Variants in ZNF718 observed in about 807,000 individuals in gnomAD.
ZNF718 encodes zinc finger protein 718.
Under a neutral mutation model 2.6 loss-of-function variants are expected in ZNF718, and 3 were observed. The ratio of observed to expected loss-of-function variants is 1.16; its 90% CI spans 0.53 to 3.01. ZNF718 has a LOEUF of 3.01. Among genes scored for constraint, ZNF718 ranks in the 30% most tolerant of loss-of-function variants. ZNF718 has a pLI of 0.03. For synonymous variants in ZNF718, 135 were observed against 77.9 expected, an observed-to-expected ratio of 1.73 and a Z score of -3.86; for missense variants, 468 against 230.0, an observed-to-expected ratio of 2.03 and a Z score of -6.69.
At chr4:175,032 A>G (rs782614920) in intron 3 of ZNF718, among the ~76,000 whole-genome samples, 4 of 152,132 alleles carry the variant, frequency 2.6e-5, no homozygotes, top group Admixed American at 2.0e-4. Context: ...CAGCCCCTCA[A>G]TTACATCTAT....
intron 1 of ZNF718, among the ~76,000 whole-genome samples, chr4:126,929 C>T (rs1176406218): frequency 2.0e-5 from 3 of 151,784 alleles, no homozygotes; most frequent in Admixed American, 2.0e-4. Context: ...CAGGTTCAAG[C>T]GATTCACCTG....
chr4:193,126 T>A (rs1717725150), intron 3 of ZNF718, among the ~76,000 whole-genome samples: 2 of 152,208 alleles, frequency 1.3e-5, no homozygotes, highest in South Asian at 4.1e-4. Flanking sequence ...GTACTGGGGC[T>A]TGGTTTCCCA....
intron 3 of ZNF718, among the ~76,000 whole-genome samples, chr4:155,686 G>A (rs948495374): frequency 2.6e-5 from 4 of 151,998 alleles, no homozygotes; most frequent in Non-Finnish European, 5.9e-5. Context: ...AGGTGGAAGG[G>A]ACTTACTTTC....
chr4:184,931 T>C (rs1333496521), intron 3 of ZNF718, among the ~76,000 whole-genome samples: 3 of 152,134 alleles, frequency 2.0e-5, no homozygotes, highest in African/African-American at 7.2e-5. Context: ...AAGTCTATTT[T>C]ATTAATTTTT....
chr4:159,246 A>C (rs1193041859), intron 3 of ZNF718, among the ~76,000 whole-genome samples: 1 of 151,682 alleles, frequency 6.6e-6, no homozygotes, highest in African/African-American at 2.4e-5. Context: ...CCATGTTGGC[A>C]AGGATGGTCT....
intron 3 of ZNF718, among the ~76,000 whole-genome samples, chr4:148,593 AGAGT>A (rs1399945162): frequency 6.9e-6 from 1 of 145,694 alleles, no homozygotes; most frequent in Admixed American, 7.0e-5. Context: ...CCAAGGTGAC[AGAGT>A]GAGACTCTGT....
intron 3 of ZNF718, among the ~76,000 whole-genome samples, chr4:195,384 C>T (rs182073710): frequency 5.3e-5 from 8 of 152,264 alleles, no homozygotes; most frequent in South Asian, 4.1e-4. Context: ...CTCAATCACC[C>T]GGGAGGAACC....
chr4:156,320 A>G (rs1716565866), intron 3 of ZNF718, among the ~76,000 whole-genome samples: 1 of 152,140 alleles, frequency 6.6e-6, no homozygotes, highest in Non-Finnish European at 1.5e-5. Flanking sequence ...TGTGTATACA[A>G]TGATCATTTT....
intron 3 of ZNF718, among the ~76,000 whole-genome samples, chr4:141,111 A>T (rs1715792537): frequency 6.6e-6 from 1 of 152,162 alleles, no homozygotes; most frequent in South Asian, 2.1e-4. Context: ...GGGTTTCACT[A>T]AAGTTTCAGG....
In ZNF718 at chr4:149,350, A is replaced by G. The variant is rs1277621764; in HGVS notation, c.227-11562A>G. ...AAAATCCCGGCTCTTCAATAAGAAC[A>G]TAGTCACAGTTAAAAACTGTAGTTA... On this transcript the variant is annotated intron_variant, in intron 3 of 3. Coordinates refer to ENST00000510175, the MANE Select transcript of ZNF718 (RefSeq NM_001039127.6). Among the ~76,000 whole-genome samples the G allele has an allele frequency of 3.9e-5, 6 of 152,238 alleles. No individual in the cohort carries two copies. In the South Asian group the frequency reaches 1.2e-3, roughly 31 times the overall value.
At position 139,494 on chromosome 4, in the gene ZNF718, C is replaced by G. The variant is rs551044039; in HGVS notation, c.226+7989C>G. 1.8e-4 allele frequency among the ~76,000 whole-genome samples: 27 copies of G among 152,318 alleles called. No individual in the cohort carries two copies. In the South Asian group the frequency reaches 3.1e-3, roughly 18 times the overall value. On this transcript the variant is annotated intron_variant, in intron 3 of 3. Coordinates refer to ENST00000510175, the MANE Select transcript of ZNF718 (RefSeq NM_001039127.6). ...AAATAACTTTGTAACTTTATTTCAT[C>G]CTCTCCATTTACATAGGGCATACTA...
intron 3 of ZNF718, among the ~76,000 whole-genome samples, chr4:135,773 GTTTTTA>G: frequency 2.2e-5 from 1 of 45,114 alleles, no homozygotes; most frequent in East Asian, 1.2e-3. Flanking sequence ...AGACAGTAAT[GTTTTTA>G]TTTCTTTCCC....
intron 3 of ZNF718, among the ~76,000 whole-genome samples, chr4:188,156 A>G (rs1717607879): frequency 2.0e-5 from 3 of 152,200 alleles, no homozygotes; most frequent in Admixed American, 2.0e-4. Flanking sequence ...TGAGCACTCT[A>G]TCTTAGGGAG....
Position 160,905 on chromosome 4 carries a change from C to A in ZNF718, c.227-7C>A. The A allele has an allele frequency of 1.3e-6, 1 of 746,312 alleles. No individual in the cohort carries two copies. The highest frequency in any genetic ancestry group is 1.4e-5 in the South Asian group (1 of 69,286). The allele number at this position is 746,312 out of a possible 1,614,324, so 46.2% of individuals were successfully genotyped here. On this transcript the variant is annotated splice_region_variant and splice_polypyrimidine_tract_variant and intron_variant, in intron 3 of 3. Transcript: ENST00000510175. ...GTGGGATAATTTGTTATTTTTATTT[C>A]TTTCAGCTGTGTGTTCTCATTTCAC...
chr4:193,665 G>A (rs1717737616), intron 3 of ZNF718, among the ~76,000 whole-genome samples: 1 of 152,130 alleles, frequency 6.6e-6, no homozygotes, highest in African/African-American at 2.4e-5. Context: ...AGTTGTCCGG[G>A]AGAGGAGAGT....
At chr4:197,089 AG>A (rs1717806308) in intron 3 of ZNF718, among the ~76,000 whole-genome samples, 1 of 142,528 alleles carries the variant, frequency 7.0e-6, no homozygotes, top group East Asian at 2.0e-4. Context: ...GAGCTTTTTA[AG>A]CATGTACTTC....
At chr4:149,996 T>A (rs1384786455) in intron 3 of ZNF718, 1 of 152,114 alleles carries the variant, frequency 6.6e-6, no homozygotes, top group Non-Finnish European at 1.5e-5. Context: ...TAAAATACAA[T>A]ACCCAATAAA....
At chr4:171,764 A>G (rs1383801760) in intron 3 of ZNF718, among the ~76,000 whole-genome samples, 3 of 152,184 alleles carry the variant, frequency 2.0e-5, no homozygotes, top group African/African-American at 7.2e-5. Context: ...TGACTAGGAA[A>G]GGGAATTCCC....
chr4:170,437 G>T (rs1184371498), intron 3 of ZNF718, among the ~76,000 whole-genome samples: 1 of 152,176 alleles, frequency 6.6e-6, no homozygotes, highest in Non-Finnish European at 1.5e-5. Flanking sequence ...ATATCCTGCA[G>T]AGTGTTTTCC....
Sources: gnomAD v4.1 joint callset for allele counts (sites outside exome capture counted in the v4.1 genomes callset) on GRCh38, gnomAD v4.1.1 for gene constraint, MANE v1.5 for transcripts, NCBI Gene and HGNC (gene_info 2026-07-23, HGNC 2026-07-21) for gene names.